Variants in TOPBP1 observed in about 807,000 individuals in gnomAD.
The protein encoded by TOPBP1 is DNA topoisomerase 2-binding protein 1.
A neutral mutation model predicts 167.7 loss-of-function variants in TOPBP1; 28 were observed. The ratio of observed to expected loss-of-function variants is 0.17; its 90% CI spans 0.12 to 0.23. The LOEUF (loss-of-function observed/expected upper bound fraction) is 0.23, where lower values mean the gene tolerates loss of function less well. Among genes scored for constraint, TOPBP1 ranks in the 10% least tolerant of loss-of-function variants. The pLI is 1.00. For missense variants in TOPBP1, 1,554 were observed against 1,809.6 expected, an observed-to-expected ratio of 0.86 and a Z score of 2.56; for synonymous variants, 598 against 611.4, an observed-to-expected ratio of 0.98 and a Z score of 0.32.
At chr3:133,644,446 G>T in intron 10 of TOPBP1, 83 bp from the exon 11 acceptor site, 1 of 1,249,906 alleles carries the variant, frequency 8.0e-7, no homozygotes, top group Non-Finnish European at 1.1e-6. Flanking sequence ...ACGTAACATG[G>T]AATCTGATAA....
rs1290351590 is a variant in TOPBP1, at chr3:133,628,631, A to G, written c.2623T>C (p.Leu875=). The G allele has an allele frequency of 4.4e-6, 7 of 1,604,300 alleles. No homozygotes were observed. Among genetic ancestry groups the G allele is most frequent in the South Asian group, 2.2e-5 (2 of 89,068 alleles). The change falls in exon 15 of 28, where the codon TTG becomes CTG. Residue 875 remains leucine (L), a synonymous_variant. Coordinates refer to ENST00000260810, the MANE Select transcript of TOPBP1 (RefSeq NM_007027.4). ...EVIVKNLQLA[L]ANSSRNAVAL... The stretch of plus-strand genomic sequence containing the variant: ...ACAGCATTTCGAGAGCTATTTGCCA[A>G]AGCAAGTTGCAAGTTTTTGACAATA...
At chr3:133,637,826 T>C in intron 14 of TOPBP1, 50 bp downstream of exon 14, 1 of 1,581,204 alleles carries the variant, frequency 6.3e-7, no homozygotes, top group Non-Finnish European at 8.6e-7. Flanking sequence ...TGCTTTAACT[T>C]TATAAACGGT....
In TOPBP1 at chr3:133,601,380, TGAG is replaced by T. The variant is rs751313491; in HGVS notation, c.4436_4438del (p.Pro1479del). Reference sequence around the variant, plus strand: ...TTCTGGTAGACAGTAATTTTCTACATGAGGAGGTGATTCCTATAAAAGGAAAAA... The same window carrying T: ...TTCTGGTAGACAGTAATTTTCTACATGAGGTGATTCCTATAAAAGGAAAAA... On this transcript the variant is annotated inframe_deletion, in exon 28 of 28. Transcript: ENST00000260810. The T allele has an allele frequency of 2.6e-6, 4 of 1,536,474 alleles. No individual in the cohort carries two copies. Among genetic ancestry groups the T allele is most frequent in the African/African-American group, 2.8e-5 (2 of 71,550 alleles).
chr3:133,640,805 CATT>C, intron 12 of TOPBP1, among the ~76,000 whole-genome samples: 1 of 152,228 alleles, frequency 6.6e-6, no homozygotes, highest in East Asian at 1.9e-4. Context: ...GTATAAATAA[CATT>C]ATTATTATTT....
At chr3:133,615,466 GA>G (rs1405187805) in intron 23 of TOPBP1, among the ~76,000 whole-genome samples, 4 of 152,134 alleles carry the variant, frequency 2.6e-5, no homozygotes, top group African/African-American at 7.2e-5. Context: ...GACAGAGCAA[GA>G]CTCTGTCTCA....
chr3:133,623,125 T>G lies in TOPBP1; in HGVS notation c.3144A>C (p.Pro1048=). The G allele has an allele frequency of 6.2e-7, 1 of 1,611,062 alleles. No homozygotes were observed. The highest frequency in any genetic ancestry group is 2.2e-5 in the East Asian group (1 of 44,842). The stretch of plus-strand genomic sequence containing the variant: ...AGTCATTCTTTCCACTTCCATTTGA[T>G]GGTGCTGACTCTTTATTATTGGTGG... ...NMATNNKESA[P]SNGSGKNDSK... Residue 1048 remains proline (P), a synonymous_variant, in exon 19 of 28, where the codon CCA becomes CCC. Transcript: ENST00000260810.
At chr3:133,639,839 T>C in intron 13 of TOPBP1, 120 bp downstream of exon 13, 6 of 931,516 alleles carry the variant, frequency 6.4e-6, no homozygotes, top group Non-Finnish European at 9.6e-6. Flanking sequence ...AGACCCTCAC[T>C]GCACCCAATG....
chr3:133,615,800 G>A (rs1934851504), intron 23 of TOPBP1, among the ~76,000 whole-genome samples: 1 of 141,570 alleles, frequency 7.1e-6, no homozygotes, highest in African/African-American at 2.7e-5. Flanking sequence ...TTGAGATGGG[G>A]TCTCACTATG....
At chr3:133,610,804 C>T (rs2107771969) in intron 25 of TOPBP1, among the ~76,000 whole-genome samples, 200 bp downstream of exon 25, 1 of 152,094 alleles carries the variant, frequency 6.6e-6, no homozygotes, top group South Asian at 2.1e-4. Flanking sequence ...ACATTAGATG[C>T]TGAAAAGATT....
At chr3:133,626,458 C>T (rs1486654744) in intron 16 of TOPBP1, among the ~76,000 whole-genome samples, 3 of 152,010 alleles carry the variant, frequency 2.0e-5, no homozygotes, top group South Asian at 2.1e-4. Flanking sequence ...TCTAATGTCC[C>T]GACAAATTCA....
chr3:133,652,136 A>AT (rs546603471), intron 8 of TOPBP1, among the ~76,000 whole-genome samples: 380 of 147,370 alleles, frequency 2.6e-3, no homozygotes, highest in African/African-American at 8.7e-3. Context: ...ACTCAAAAAA[A>AT]TTAAAAAAAA....
intron 10 of TOPBP1, 58 bp downstream of exon 10, chr3:133,649,325 G>C: frequency 1.3e-6 from 2 of 1,557,378 alleles, no homozygotes; most frequent in Admixed American, 1.9e-5. Flanking sequence ...ACATATGTAC[G>C]TATTAGGCTA....
intron 8 of TOPBP1, among the ~76,000 whole-genome samples, chr3:133,650,757 T>C (rs923495131): frequency 2.0e-5 from 3 of 152,182 alleles, no homozygotes; most frequent in Non-Finnish European, 4.4e-5. Flanking sequence ...ACTTTCTATA[T>C]GTAAGAAATA....
intron 27 of TOPBP1, among the ~76,000 whole-genome samples, chr3:133,606,360 C>T (rs559922618): frequency 6.6e-6 from 1 of 152,082 alleles, no homozygotes; most frequent in Admixed American, 6.6e-5. Flanking sequence ...CAAAATGTTG[C>T]TGAGAGAAAT....
intron 13 of TOPBP1, among the ~76,000 whole-genome samples, chr3:133,638,364 T>C (rs1364625114): frequency 6.6e-6 from 1 of 152,204 alleles, no homozygotes; most frequent in Non-Finnish European, 1.5e-5. Context: ...CAAAATTATA[T>C]ACCTACTTTC....
In TOPBP1 at chr3:133,628,457, C is replaced by T. The variant is rs1352735487; in HGVS notation, c.2709G>A (p.Lys903=). 3.1e-6 allele frequency: 5 copies of T among 1,610,668 alleles called. No homozygotes were observed. The highest frequency in any genetic ancestry group is 4.2e-6 in the Non-Finnish European group (5 of 1,178,370). Residue 903 remains lysine (K), a synonymous_variant, in exon 16 of 28, where the codon AAG becomes AAA. Coordinates refer to ENST00000260810, the MANE Select transcript of TOPBP1 (RefSeq NM_007027.4). ...CACATACCACTACTTTGTGAAGTGGCTTTGGGGCTTCTTCCTGTCCATGGA... is the reference window on the plus strand; with the variant it reads ...CACATACCACTACTTTGTGAAGTGGTTTTGGGGCTTCTTCCTGTCCATGGA... The part of the protein sequence containing the change: ...EAQSEKEEAP[K]PLHKVVVCVS...
intron 27 of TOPBP1, among the ~76,000 whole-genome samples, chr3:133,602,265 A>G (rs1018319491): frequency 7.9e-5 from 12 of 152,244 alleles, no homozygotes; most frequent in African/African-American, 2.9e-4. Flanking sequence ...AATAGAAGAA[A>G]AAAACCTGTC....
At chr3:133,628,849 G>A in intron 14 of TOPBP1, 116 bp from the exon 15 acceptor site, 3 of 1,023,968 alleles carry the variant, frequency 2.9e-6, no homozygotes, top group Non-Finnish European at 4.2e-6. Context: ...GAGAGAGAAG[G>A]GGGAGAATCC....
chr3:133,614,757 T>C (rs1934803502), intron 23 of TOPBP1, among the ~76,000 whole-genome samples: 1 of 148,668 alleles, frequency 6.7e-6, no homozygotes, highest in South Asian at 2.1e-4. Flanking sequence ...ATCAGGGAAC[T>C]GGGAAACAAA....
Sources: gnomAD v4.1 joint callset for allele counts (sites outside exome capture counted in the v4.1 genomes callset) on GRCh38, gnomAD v4.1.1 for gene constraint, MANE v1.5 for transcripts, NCBI Gene and HGNC (gene_info 2026-07-23, HGNC 2026-07-21) for gene names.